The following C1orf105 variants were observed in gnomAD, a reference collection of about 807,000 sequenced individuals.
C1orf105 encodes the protein chromosome 1 open reading frame 105, also known as uncharacterized protein C1orf105.
A neutral mutation model predicts 20.8 loss-of-function variants in C1orf105; 17 were observed. The observed-to-expected ratio is 0.82, with a 90% CI of 0.56 to 1.23. The LOEUF (loss-of-function observed/expected upper bound fraction) is 1.23, where lower values mean the gene tolerates loss of function less well. Among genes scored for constraint, C1orf105 ranks in the 50% most tolerant of loss-of-function variants. The probability of loss-of-function intolerance (pLI) is 0.00; values close to 1 mark genes in which losing one functional copy is unlikely to be tolerated. For synonymous variants in C1orf105, 72 were observed against 72.1 expected, an observed-to-expected ratio of 1.00 and a Z score of 0.01; for missense variants, 219 against 213.5, an observed-to-expected ratio of 1.03 and a Z score of -0.16.
rs2072012450 is a variant in C1orf105 at position 172,435,497 on chromosome 1, C to T, written c.22-9576C>T. On this transcript the variant is annotated intron_variant, in intron 1 of 6. Transcript: ENST00000367727. ...TAAACAGAACCAACAAAAAAAACCA[C>T]AAAATTATCTCAATAAATGCAGAAA... Among the ~76,000 whole-genome samples, 3 of 152,252 alleles carry T rather than the reference C, an allele frequency of 2.0e-5. No individual in the cohort carries two copies. In the South Asian group the frequency reaches 6.2e-4, roughly 32 times the overall value.
chr1:172,440,044 ATC>A (rs980644143), intron 1 of C1orf105, among the ~76,000 whole-genome samples: 5 of 152,234 alleles, frequency 3.3e-5, no homozygotes, highest in Non-Finnish European at 7.3e-5. Context: ...CACAATATTC[ATC>A]TGTCCAAATA....
At chr1:172,431,731 G>C (rs975406218) in intron 1 of C1orf105, among the ~76,000 whole-genome samples, 1 of 152,230 alleles carries the variant, frequency 6.6e-6, no homozygotes, top group African/African-American at 2.4e-5. Flanking sequence ...ATCTCACTGG[G>C]CCTGGTTGGA....
Position 172,456,401 on chromosome 1 carries a change from CTCTT to C in C1orf105, c.199-11_199-8del. The C allele has an allele frequency of 1.9e-6, 3 of 1,610,550 alleles. No individual in the cohort carries two copies. Among genetic ancestry groups the C allele is most frequent in the Admixed American group, 1.7e-5 (1 of 60,008 alleles). ...ACCATTTCCTCACCTCTCTCTGTCTCTCTTTCCCCTCAGGCCAGGAGGAACCAGT... is the reference window on the plus strand; with the variant it reads ...ACCATTTCCTCACCTCTCTCTGTCTCTCCCCTCAGGCCAGGAGGAACCAGT... On this transcript the variant is annotated splice_polypyrimidine_tract_variant and intron_variant, in intron 3 of 6. Transcript: ENST00000367727.
chr1:172,445,959 T>A (rs1332998515), intron 2 of C1orf105, among the ~76,000 whole-genome samples: 1 of 152,136 alleles, frequency 6.6e-6, no homozygotes, highest in Non-Finnish European at 1.5e-5. Flanking sequence ...GAGTTTCTCC[T>A]CCTGTTGATA....
intron 1 of C1orf105, among the ~76,000 whole-genome samples, chr1:172,431,943 G>A (rs1385100605): frequency 6.6e-6 from 1 of 152,238 alleles, no homozygotes; most frequent in East Asian, 1.9e-4. Flanking sequence ...ATTCTCTCTC[G>A]TGCTTGGCTT....
intron 1 of C1orf105, chr1:172,443,867 T>G (rs1208918091): frequency 4.1e-5 from 28 of 677,912 alleles, no homozygotes; most frequent in South Asian, 1.3e-4. Context: ...TGGCACCCCA[T>G]TTGGCTTTTT....
intron 3 of C1orf105, among the ~76,000 whole-genome samples, chr1:172,450,739 G>T (rs1648538739): frequency 6.6e-6 from 1 of 152,338 alleles, no homozygotes; most frequent in Admixed American, 6.5e-5. Flanking sequence ...CCCCGTGCCT[G>T]AGGCAGGTGC....
chr1:172,442,555 G>T (rs1401176278), intron 1 of C1orf105: 1 of 1,614,134 alleles, frequency 6.2e-7, no homozygotes, highest in Non-Finnish European at 8.5e-7. Flanking sequence ...ATCAGGAAAG[G>T]GCTGTCGCTC....
intron 1 of C1orf105, among the ~76,000 whole-genome samples, chr1:172,437,305 A>G (rs1388909220): frequency 1.3e-5 from 2 of 152,128 alleles, no homozygotes; most frequent in African/African-American, 4.8e-5. Flanking sequence ...TTGCAGCACT[A>G]TTCAAAATAG....
intron 6 of C1orf105, among the ~76,000 whole-genome samples, chr1:172,466,048 C>A (rs1303179735): frequency 3.3e-5 from 5 of 152,228 alleles, no homozygotes; most frequent in African/African-American, 1.2e-4. Flanking sequence ...TTGAATTTTT[C>A]TCTCATTTGA....
chr1:172,452,755 C>T (rs1259881553), intron 3 of C1orf105: 1 of 1,295,034 alleles, frequency 7.7e-7, no homozygotes, highest in Non-Finnish European at 9.9e-7. Context: ...CCAGGCTACA[C>T]ATAGGTTGCT....
At chr1:172,452,176 A>G (rs1295572896) in intron 3 of C1orf105, among the ~76,000 whole-genome samples, 2 of 152,082 alleles carry the variant, frequency 1.3e-5, no homozygotes, top group Admixed American at 1.3e-4. Flanking sequence ...TGGCCTTTAT[A>G]TGGATTCTAA....
At chr1:172,445,022 G>C (rs757745335) in intron 1 of C1orf105, 51 bp from the exon 2 acceptor site, 57 of 1,442,586 alleles carry the variant, frequency 4.0e-5, no homozygotes, top group Admixed American at 2.2e-4. Flanking sequence ...CGTAATGATA[G>C]CAATGTTTAA....
chr1:172,441,911 A>G, intron 1 of C1orf105: 1 of 1,614,188 alleles, frequency 6.2e-7, no homozygotes, highest in Admixed American at 1.7e-5. Context: ...CCCACGGCTG[A>G]AAATGCAAAA....
At chr1:172,437,669 C>A (rs1326828447) in intron 1 of C1orf105, among the ~76,000 whole-genome samples, 1 of 150,684 alleles carries the variant, frequency 6.6e-6, no homozygotes, top group Non-Finnish European at 1.5e-5. Flanking sequence ...ACCAACATGG[C>A]AAATGTATAC....
At chr1:172,422,121 G>A (rs1179980631) in intron 1 of C1orf105, among the ~76,000 whole-genome samples, 2 of 151,320 alleles carry the variant, frequency 1.3e-5, no homozygotes, top group Admixed American at 6.6e-5. Context: ...GTGGACTGGG[G>A]AGCGCACGAT....
chr1:172,439,282 C>G (rs1478374737), intron 1 of C1orf105, among the ~76,000 whole-genome samples: 1 of 152,322 alleles, frequency 6.6e-6, no homozygotes, highest in East Asian at 1.9e-4. Context: ...TAACTTGCCA[C>G]TGACTACAGG....
intron 1 of C1orf105, among the ~76,000 whole-genome samples, chr1:172,438,990 G>A (rs1368148806): frequency 6.6e-6 from 1 of 152,178 alleles, no homozygotes; most frequent in African/African-American, 2.4e-5. Flanking sequence ...TTTTAGACAT[G>A]AGAGTGCACA....
chr1:172,421,977 GA>G (rs1207961134), intron 1 of C1orf105, among the ~76,000 whole-genome samples: 1 of 152,174 alleles, frequency 6.6e-6, no homozygotes, highest in Non-Finnish European at 1.5e-5. Context: ...CCAGGTTTCA[GA>G]AACTGAGTTT....
Sources: allele counts gnomAD v4.1 joint callset (sites outside exome capture counted in the v4.1 genomes callset), GRCh38; gene constraint gnomAD v4.1.1; transcripts MANE v1.5; gene names NCBI Gene and HGNC (gene_info 2026-07-23, HGNC 2026-07-21).